The following RANBP17 variants were observed in gnomAD, a reference collection of about 807,000 sequenced individuals.
The protein encoded by RANBP17 is RAN binding protein 17.
A neutral mutation model predicts 141.2 loss-of-function variants in RANBP17; 158 were observed. The observed-to-expected ratio is 1.12, with a 90% CI of 0.98 to 1.28. The LOEUF is 1.28. RANBP17 is among the 50% of genes most tolerant of loss of function. The pLI is 0.00. For synonymous variants in RANBP17, 430 were observed against 450.0 expected, an observed-to-expected ratio of 0.96 and a Z score of 0.56; for missense variants, 1,438 against 1,290.7, an observed-to-expected ratio of 1.11 and a Z score of -1.75.
chr5:171,210,050 A>G (rs912567905), intron 20 of RANBP17, among the ~76,000 whole-genome samples: 4 of 152,222 alleles, frequency 2.6e-5, no homozygotes, highest in Admixed American at 1.3e-4. Context: ...GCAGTGTCAC[A>G]TCATTAATGC....
intron 13 of RANBP17, among the ~76,000 whole-genome samples, chr5:170,960,768 AC>A (rs1776078701): frequency 6.6e-6 from 1 of 152,194 alleles, no homozygotes; most frequent in Non-Finnish European, 1.5e-5. Flanking sequence ...TTTAAGATGA[AC>A]AACATGGCTT....
chr5:171,089,818 C>T (rs1284304222), intron 14 of RANBP17, among the ~76,000 whole-genome samples: 3 of 152,226 alleles, frequency 2.0e-5, no homozygotes, highest in East Asian at 3.9e-4. Flanking sequence ...TGCTTAGGCT[C>T]GCGCACGGTG....
chr5:170,973,460 T>G (rs937525860), intron 14 of RANBP17, among the ~76,000 whole-genome samples: 1 of 152,126 alleles, frequency 6.6e-6, no homozygotes, highest in African/African-American at 2.4e-5. Flanking sequence ...CTACCTATAT[T>G]AAAAGTAAAA....
chr5:171,265,933 C>A, intron 25 of RANBP17, 86 bp downstream of exon 25: 1 of 1,186,042 alleles, frequency 8.4e-7, no homozygotes, highest in South Asian at 1.5e-5. Context: ...AGCAGCTGGT[C>A]TTGCCAAGAC....
chr5:170,869,002 C>T (rs1650615433), intron 1 of RANBP17, among the ~76,000 whole-genome samples: 1 of 151,992 alleles, frequency 6.6e-6, no homozygotes, highest in African/African-American at 2.4e-5. Flanking sequence ...AAGTTTGTTA[C>T]CTTTACAGTG....
intron 14 of RANBP17, among the ~76,000 whole-genome samples, chr5:171,096,078 CAGA>C (rs1325528623): frequency 1.3e-5 from 2 of 151,900 alleles, no homozygotes; most frequent in Non-Finnish European, 1.5e-5. Flanking sequence ...GTGACAGAGG[CAGA>C]AGGAGTAAGC....
intron 14 of RANBP17, among the ~76,000 whole-genome samples, chr5:171,158,772 C>T (rs1759085149): frequency 6.6e-6 from 1 of 152,070 alleles, no homozygotes; most frequent in Non-Finnish European, 1.5e-5. Flanking sequence ...TCTCACCTGC[C>T]CTTTTTATCT....
intron 14 of RANBP17, among the ~76,000 whole-genome samples, chr5:171,046,443 C>T (rs564248538): frequency 6.6e-5 from 10 of 151,974 alleles, no homozygotes; most frequent in East Asian, 5.8e-4. Context: ...GTCTTGACCT[C>T]GTGATCTGCC....
At chr5:171,252,493 G>T (rs1326694792) in intron 24 of RANBP17, 1 of 1,448,000 alleles carries the variant, frequency 6.9e-7, no homozygotes, top group Non-Finnish European at 9.7e-7. Flanking sequence ...CCTATGCAGT[G>T]AGTACAAGTA....
At position 171,276,470 on chromosome 5, in the gene RANBP17, G is replaced by T. The variant is rs531324669; in HGVS notation, c.2943+10623G>T. On this transcript the variant is annotated intron_variant, in intron 25 of 27. Coordinates refer to ENST00000523189, the MANE Select transcript of RANBP17 (RefSeq NM_022897.5). ...GAATACATAAGCCACGTATCCATTT[G>T]GCTTTGTCTTTAAACTAAAAAATAT... Among the ~76,000 whole-genome samples, 3 of 152,252 alleles carry T rather than the reference G, an allele frequency of 2.0e-5. No individual in the cohort carries two copies. The East Asian group carries it at 5.8e-4, about 29-fold the overall frequency.
At chr5:170,862,631 G>A (rs114888273) in intron 1 of RANBP17, among the ~76,000 whole-genome samples, 4,002 of 152,272 alleles carry the variant, frequency 0.026, 171 homozygotes, top group African/African-American at 0.09. Context: ...AGGGCTACGC[G>A]GCCGCCTCTT....
At chr5:171,058,296 T>C (rs1022231389) in intron 14 of RANBP17, among the ~76,000 whole-genome samples, 2 of 142,176 alleles carry the variant, frequency 1.4e-5, no homozygotes, top group South Asian at 2.5e-4. Flanking sequence ...TATCTCCTAA[T>C]GCTATCCCTC....
chr5:170,949,226 T>C (rs1434307310), intron 12 of RANBP17, among the ~76,000 whole-genome samples: 2 of 152,138 alleles, frequency 1.3e-5, no homozygotes, highest in African/African-American at 4.8e-5. Context: ...TTTATCTAAT[T>C]AATTAGACAA....
At chr5:171,153,519 A>G (rs1024810698) in intron 14 of RANBP17, among the ~76,000 whole-genome samples, 2 of 152,202 alleles carry the variant, frequency 1.3e-5, no homozygotes, top group African/African-American at 4.8e-5. Flanking sequence ...TCATTGTTCA[A>G]TGTAATGAGG....
At position 171,241,139 on chromosome 5, in the gene RANBP17, G is replaced by C; in HGVS notation, c.2634G>C (p.Leu878Phe). 1 of 1,609,474 alleles carries C rather than the reference G, an allele frequency of 6.2e-7. No homozygotes were observed. The highest frequency in any genetic ancestry group is 8.5e-7 in the Non-Finnish European group (1 of 1,176,226). ...TGCTGTCAGTGTCCCACAGTGACTTGCTAGTAAGCAATCATGCATCATGGG... is the reference window on the plus strand; with the variant it reads ...TGCTGTCAGTGTCCCACAGTGACTTCCTAGTAAGCAATCATGCATCATGGG... ...KMLLSVSHSD[L>F]LQYRKLSQSY... Residue 878 changes from leucine (L) to phenylalanine (F), a missense_variant, in exon 23 of 28, where the codon TTG becomes TTC. By Grantham distance (22) the Leu-to-Phe change is conservative. Coordinates refer to ENST00000523189, the MANE Select transcript of RANBP17 (RefSeq NM_022897.5).
At chr5:171,072,620 T>G (rs1784695049) in intron 14 of RANBP17, among the ~76,000 whole-genome samples, 1 of 152,086 alleles carries the variant, frequency 6.6e-6, no homozygotes, top group African/African-American at 2.4e-5. Flanking sequence ...AAACAGACAA[T>G]AAATAAATAA....
intron 14 of RANBP17, among the ~76,000 whole-genome samples, chr5:171,081,533 G>A (rs1455307725): frequency 3.9e-5 from 6 of 152,036 alleles, no homozygotes; most frequent in Non-Finnish European, 5.9e-5. Context: ...TTACAAAATA[G>A]TTAACTTTCC....
intron 25 of RANBP17, among the ~76,000 whole-genome samples, chr5:171,274,240 C>CAGATACT (rs1767357555): frequency 6.6e-6 from 1 of 151,534 alleles, no homozygotes; most frequent in Admixed American, 6.6e-5. Context: ...AGGTAACAAC[C>CAGATACT]AGGTAATAAA....
chr5:170,922,761 C>T (rs565818860), intron 11 of RANBP17, among the ~76,000 whole-genome samples: 1 of 152,108 alleles, frequency 6.6e-6, no homozygotes, highest in Non-Finnish European at 1.5e-5. Flanking sequence ...AATCCCCTGA[C>T]CCCTTGCGCT....
Sources: gnomAD v4.1 joint callset for allele counts (sites outside exome capture counted in the v4.1 genomes callset) on GRCh38, gnomAD v4.1.1 for gene constraint, MANE v1.5 for transcripts, NCBI Gene and HGNC (gene_info 2026-07-23, HGNC 2026-07-21) for gene names.